Variants in CNTNAP1 observed in about 807,000 individuals in gnomAD.
The protein encoded by CNTNAP1 is contactin-associated protein 1.
Under a neutral mutation model 161.5 loss-of-function variants are expected in CNTNAP1, and 80 were observed. The ratio of observed to expected loss-of-function variants is 0.50; its 90% CI spans 0.41 to 0.60. CNTNAP1 has a LOEUF of 0.60. CNTNAP1 is among the 20% of genes least tolerant of loss of function. CNTNAP1 has a pLI of 0.00. For missense variants in CNTNAP1, 1,464 were observed against 1,854.8 expected (o/e 0.79, Z 3.87); for synonymous variants, 695 against 733.1 (o/e 0.95, Z 0.84).
chr17:42,697,436 G>A, intron 21 of CNTNAP1, 69 bp downstream of exon 21: 1 of 1,608,146 alleles, frequency 6.2e-7, no homozygotes, highest in Non-Finnish European at 8.5e-7. Flanking sequence ...CTCAAGGAAA[G>A]TGAAGGCCCT....
At position 42,699,061 on chromosome 17, in the gene CNTNAP1, A is replaced by G. The variant is rs2053193830; in HGVS notation, c.*151A>G. On this transcript the variant is annotated 3_prime_UTR_variant, in exon 24 of 24. Coordinates refer to ENST00000264638, the MANE Select transcript of CNTNAP1 (RefSeq NM_003632.3). Reference sequence around the variant, plus strand: ...CCCCCCCCCATCAAGTTTGGTGGGCAGAGCTACAGATGGGACCCAAGGGAG... The same window carrying G: ...CCCCCCCCCATCAAGTTTGGTGGGCGGAGCTACAGATGGGACCCAAGGGAG... The G allele has an allele frequency of 1.6e-6, 1 of 620,382 alleles. No homozygotes were observed. The highest frequency in any genetic ancestry group is 2.7e-5 in the South Asian group (1 of 37,390). 38.4% of individuals were successfully genotyped at this position (620,382 alleles called of 1,614,324 possible). A position where few individuals can be genotyped will look rare whatever the true frequency, so the allele number is the denominator to read the frequency against.
chr17:42,691,859 C>G lies in CNTNAP1; in HGVS notation c.2398C>G (p.Pro800Ala), dbSNP rs143861583. ...FHTGAALRFP[P>A]IRANHSLDVS... ...CACCGGGGCTGCACTACGCTTCCCC[C>G]CAATCCGTGCCAACCACAGCCTGGA... is the stretch of plus-strand genomic sequence containing the variant. The change falls in exon 16 of 24, where the codon CCA becomes GCA. Residue 800 changes from proline to alanine, a missense_variant. This residue lies in a region of CNTNAP1 where 1,383 missense variants were observed against 1,765.0 expected (regional missense o/e 0.78). Transcript: ENST00000264638. This position sits in a 1 kb window ranked among gnomAD's most constrained non-coding sequence, Gnocchi z 4.3. 4.2e-5 allele frequency: 68 copies of G among 1,614,060 alleles called. No individual in the cohort carries two copies. Among genetic ancestry groups the G allele is most frequent in the East Asian group, 2.2e-5 (1 of 44,886 alleles).
At position 42,687,829 on chromosome 17, in the gene CNTNAP1, T is replaced by C; in HGVS notation, c.1154T>C (p.Val385Ala). The change falls in exon 8 of 24, where the codon GTC becomes GCC. Residue 385 changes from valine (V) to alanine (A), a missense_variant. Coordinates refer to ENST00000264638, the MANE Select transcript of CNTNAP1 (RefSeq NM_003632.3). The surrounding 1 kb of genome is among the most constrained non-coding windows in gnomAD (Gnocchi z 4.7). ...TTCCCACGCCGTGGCCGCCTGGCAG[T>C]CTCATTTCGCTTCCGCACCTGGGAC... ...PGFPRRGRLA[V>A]SFRFRTWDLT... The C allele has an allele frequency of 1.9e-6, 3 of 1,614,236 alleles. No individual in the cohort carries two copies. The highest frequency in any genetic ancestry group is 2.2e-5 in the East Asian group (1 of 44,884).
At position 42,691,551 on chromosome 17, in the gene CNTNAP1, A is replaced by T; in HGVS notation, c.2344+40A>T. ...CCTTTTGTGTGCCCTCCCAGAGCTG[A>T]CTCTCCAGTTTCCAAAATCTAGGCC... is the stretch of plus-strand genomic sequence containing the variant. On this transcript the variant is annotated intron_variant, in intron 15 of 23. Transcript: ENST00000264638. The surrounding 1 kb of genome is among the most constrained non-coding windows in gnomAD (Gnocchi z 4.3). 1.2e-6 allele frequency: 2 copies of T among 1,607,304 alleles called. No homozygotes were observed. Among genetic ancestry groups the T allele is most frequent in the Non-Finnish European group, 1.7e-6 (2 of 1,177,118 alleles).
rs940413470 is a variant in CNTNAP1, at chr17:42,683,899, C to A, written c.146C>A (p.Ala49Glu). The A allele has an allele frequency of 2.5e-6, 4 of 1,613,564 alleles. No individual in the cohort carries two copies. The highest frequency in any genetic ancestry group is 3.4e-6 in the Non-Finnish European group (4 of 1,179,988). ...GASSYYSLLT[A>E]PRFARLHGIS... ...TCCTCCTACTACAGTCTCCTTACTGCGCCGAGATTCGCCAGGCTGCACGGT... is the reference window on the plus strand; with the variant it reads ...TCCTCCTACTACAGTCTCCTTACTGAGCCGAGATTCGCCAGGCTGCACGGT... The change falls in exon 2 of 24, where the codon GCG (alanine) becomes GAG (glutamate). Residue 49 changes from alanine to glutamate, a missense_variant. Ala to Glu is a moderately radical substitution (Grantham distance 107). Around this residue, in one of 3 missense-constraint regions of CNTNAP1, gnomAD observed 77 missense variants for 73.6 expected, o/e 1.05. Transcript: ENST00000264638.
At chr17:42,692,837 C>T in intron 17 of CNTNAP1, 117 bp downstream of exon 17, 2 of 852,908 alleles carry the variant, frequency 2.3e-6, no homozygotes, top group Non-Finnish European at 3.6e-6. Flanking sequence ...TGCTTCAGAG[C>T]AAGCCAGTGT....
intron 1 of CNTNAP1, 66 bp downstream of exon 1, chr17:42,682,962 G>C (rs541480347): frequency 6.9e-7 from 1 of 1,441,644 alleles, no homozygotes; most frequent in Non-Finnish European, 9.4e-7. Flanking sequence ...GGGCGGCCCC[G>C]AACCGCATTG....
In CNTNAP1 at chr17:42,692,617, C is replaced by T. The variant is rs149545366; in HGVS notation, c.2649C>T (p.Asn883=). The T allele has an allele frequency of 1.0e-4, 164 of 1,614,094 alleles. No homozygotes were observed. Among genetic ancestry groups the T allele is most frequent in the African/African-American group, 2.8e-4 (21 of 74,940 alleles). ...DEWHLVRAEI[N]VKQARLRVDH... is the part of the protein sequence containing the mutation. Reference sequence around the variant, plus strand: ...GGCACCTGGTCCGGGCTGAAATCAACGTGAAGCAGGCCCGGCTCCGAGTGG... The same window carrying T: ...GGCACCTGGTCCGGGCTGAAATCAATGTGAAGCAGGCCCGGCTCCGAGTGG... Residue 883 remains asparagine, a synonymous_variant, in exon 17 of 24, where the codon AAC becomes AAT. Transcript: ENST00000264638.
In CNTNAP1 at chr17:42,691,647, C is replaced by T. The variant is rs1266007513; in HGVS notation, c.2344+136C>T. 3 of 1,385,648 alleles carry T rather than the reference C, an allele frequency of 2.2e-6. No homozygotes were observed. Among genetic ancestry groups the T allele is most frequent in the Non-Finnish European group, 3.0e-6 (3 of 999,314 alleles). 85.8% of individuals were successfully genotyped at this position (1,385,648 alleles called of 1,614,324 possible). A position where few individuals can be genotyped will look rare whatever the true frequency, so the allele number is the denominator to read the frequency against. ...CTGCTGTGATGCGATCTCATTACCC[C>T]TCTGCACCTGGCTCCTCTTTCATTC... On this transcript the variant is annotated intron_variant, in intron 15 of 23. Transcript: ENST00000264638. The surrounding 1 kb of genome is among the most constrained non-coding windows in gnomAD (Gnocchi z 4.3).
chr17:42,694,540 G>A (rs1019446391), intron 18 of CNTNAP1, among the ~76,000 whole-genome samples: 2 of 152,002 alleles, frequency 1.3e-5, no homozygotes, highest in African/African-American at 4.8e-5. Flanking sequence ...TGAGGTGGGA[G>A]GATCACTTGC....
At position 42,693,396 on chromosome 17, in the gene CNTNAP1, A is replaced by ACAGT; in HGVS notation, c.2852_2853insCAGT (p.Glu951AspfsTer30). ...CTGGAGGGCCGTGCCAATGCCTCTG[A>ACAGT]GGGTACCTCACCCAACTGCACAGGC... On this transcript the variant is annotated frameshift_variant, in exon 18 of 24. Coordinates refer to ENST00000264638, the MANE Select transcript of CNTNAP1 (RefSeq NM_003632.3). LOFTEE classifies it high-confidence loss of function. 1 of 1,614,188 alleles carries ACAGT rather than the reference A, an allele frequency of 6.2e-7. No individual in the cohort carries two copies. Among genetic ancestry groups the ACAGT allele is most frequent in the Non-Finnish European group, 8.5e-7 (1 of 1,180,030 alleles).
In CNTNAP1 at chr17:42,685,565, A is replaced by T; in HGVS notation, c.715+145A>T. On this transcript the variant is annotated intron_variant, in intron 5 of 23. Transcript: ENST00000264638. This position sits in a 1 kb window ranked among gnomAD's most constrained non-coding sequence, Gnocchi z 5.0. ...GACCAAACTGCCCCTTTCTTGTAGC[A>T]TTTGGTGCTAGCAAAACACTGGAGT... is the stretch of plus-strand genomic sequence containing the variant. 2 of 760,386 alleles carry T rather than the reference A, an allele frequency of 2.6e-6. No homozygotes were observed. The highest frequency in any genetic ancestry group is 4.2e-6 in the Non-Finnish European group (2 of 477,446). The allele number at this position is 760,386 out of a possible 1,614,324, so 47.1% of individuals were successfully genotyped here.
In CNTNAP1 at chr17:42,693,269, T is replaced by C. The variant is rs373411546; in HGVS notation, c.2753-28T>C. The C allele has an allele frequency of 4.3e-6, 7 of 1,611,918 alleles. No individual in the cohort carries two copies. The South Asian group carries it at 7.7e-5, about 18-fold the overall frequency. Reference sequence around the variant, plus strand: ...CCACCGCGCCTGGCCCTGCCTCCATTTCTTGACCTGTTGCCTACCCTTCCC... The same window carrying C: ...CCACCGCGCCTGGCCCTGCCTCCATCTCTTGACCTGTTGCCTACCCTTCCC... On this transcript the variant is annotated intron_variant, in intron 17 of 23. Transcript: ENST00000264638.
chr17:42,687,274 G>C lies in CNTNAP1; in HGVS notation c.1044+228G>C, dbSNP rs1597805698. 2 of 575,086 alleles carry C rather than the reference G, an allele frequency of 3.5e-6. No individual in the cohort carries two copies. Among genetic ancestry groups the C allele is most frequent in the East Asian group, 5.8e-5 (2 of 34,270 alleles). The allele number at this position is 575,086 out of a possible 1,614,324, so 35.6% of individuals were successfully genotyped here. On this transcript the variant is annotated intron_variant, in intron 7 of 23. Transcript: ENST00000264638. This position sits in a 1 kb window ranked among gnomAD's most constrained non-coding sequence, Gnocchi z 4.7. ...CCAATCACCTTCTTAGTTCATAGAT[G>C]AAGAAAGTAAGGCGCAGACACAGGG...
At position 42,688,116 on chromosome 17, in the gene CNTNAP1, G is replaced by C. The variant is rs558617382; in HGVS notation, c.1306+135G>C. The C allele has an allele frequency of 1.4e-5, 18 of 1,312,374 alleles. No homozygotes were observed. In the East Asian group the frequency reaches 3.8e-4, roughly 28 times the overall value. 81.3% of individuals were successfully genotyped at this position (1,312,374 alleles called of 1,614,324 possible). On this transcript the variant is annotated intron_variant, in intron 8 of 23. Coordinates refer to ENST00000264638, the MANE Select transcript of CNTNAP1 (RefSeq NM_003632.3). ...AAGGGGGCAGGGCAGGAGGCCCCAG[G>C]GTACTGGGAAAAGGTGGGAGTGGCT...
In CNTNAP1 at chr17:42,687,602, C is replaced by G; in HGVS notation, c.1045-118C>G. On this transcript the variant is annotated intron_variant, in intron 7 of 23. Transcript: ENST00000264638. This position sits in a 1 kb window ranked among gnomAD's most constrained non-coding sequence, Gnocchi z 4.7. ...GGTCACGTCATGGTTGGAGATCTCACCCCCGCCAACACCGAAGGAGGGCGG... is the reference window on the plus strand; with the variant it reads ...GGTCACGTCATGGTTGGAGATCTCAGCCCCGCCAACACCGAAGGAGGGCGG... 1 of 1,344,280 alleles carries G rather than the reference C, an allele frequency of 7.4e-7. No homozygotes were observed. Among genetic ancestry groups the G allele is most frequent in the Non-Finnish European group, 1.0e-6 (1 of 970,706 alleles). The allele number at this position is 1,344,280 out of a possible 1,614,324, so 83.3% of individuals were successfully genotyped here. A position where few individuals can be genotyped will look rare whatever the true frequency, so the allele number is the denominator to read the frequency against.
At position 42,683,822 on chromosome 17, in the gene CNTNAP1, C is replaced by G. The variant is rs1597802927; in HGVS notation, c.69C>G (p.Tyr23Ter). Residue 23 changes from tyrosine to a stop codon, truncating the protein, a stop_gained and splice_region_variant, in exon 2 of 24, where the codon TAC (tyrosine) becomes TAG (stop). Transcript: ENST00000264638. LOFTEE classifies it high-confidence loss of function. Reference sequence around the variant, plus strand: ...TAACAGTCGGTTTCCCTACCCTAGACGGCTGCGACGAGGAGCTGGTGGGTC... The same window carrying G: ...TAACAGTCGGTTTCCCTACCCTAGAGGGCTGCGACGAGGAGCTGGTGGGTC... ...AVSGAEGWGY[Y>*]GCDEELVGPL... 1 of 1,610,826 alleles carries G rather than the reference C, an allele frequency of 6.2e-7. No homozygotes were observed. Among genetic ancestry groups the G allele is most frequent in the Non-Finnish European group, 8.5e-7 (1 of 1,179,782 alleles).
chr17:42,683,966 G>A (rs769135707), intron 2 of CNTNAP1, 44 bp downstream of exon 2: 1 of 1,613,110 alleles, frequency 6.2e-7, no homozygotes, highest in Non-Finnish European at 8.5e-7. Context: ...AGCGCACCGC[G>A]GAAGGGTGGG....
At chr17:42,683,213 C>A in intron 1 of CNTNAP1, 1 of 518,824 alleles carries the variant, frequency 1.9e-6, no homozygotes, top group Non-Finnish European at 3.1e-6. Context: ...GTGACCGATA[C>A]TAGGATTAAG....
Sources: gnomAD v4.1 joint callset for allele counts (sites outside exome capture counted in the v4.1 genomes callset) on GRCh38, gnomAD v4.1.1 for gene constraint, gnomAD v4.1.1 regional missense constraint, Gnocchi (gnomAD v3.1) non-coding constraint, MANE v1.5 for transcripts, NCBI Gene and HGNC (gene_info 2026-07-23, HGNC 2026-07-21) for gene names.